Variants in NEB observed in about 807,000 individuals in gnomAD.
NEB encodes the protein nemaline myopathy type 2.
In NEB, 512 loss-of-function variants were observed where a neutral mutation model predicts 952.2. That is an observed-to-expected ratio of 0.54 (90% CI 0.50 to 0.58). NEB has a LOEUF of 0.58. NEB is among the 20% of genes least tolerant of loss of function. The pLI is 0.00. For missense variants in NEB, 8,428 were observed against 9,231.1 expected, an observed-to-expected ratio of 0.91 and a Z score of 3.56; for synonymous variants, 2,900 against 3,149.8, an observed-to-expected ratio of 0.92 and a Z score of 2.66.
Position 151,576,144 on chromosome 2 carries a change from A to C in NEB, c.16908+7T>G. The C allele has an allele frequency of 6.4e-7, 1 of 1,571,414 alleles. No homozygotes were observed. Among genetic ancestry groups the C allele is most frequent in the Non-Finnish European group, 8.7e-7 (1 of 1,152,584 alleles). On this transcript the variant is annotated splice_region_variant and intron_variant, in intron 106 of 181. Coordinates refer to ENST00000397345, the MANE Select transcript of NEB (RefSeq NM_001164508.2). ...AATTCAATTTTAATAGAGAAAAACT[A>C]ACTCACAATACTAATATTTTCAGCA...
At chr2:151,672,766 G>A in intron 36 of NEB, 86 bp from the exon 37 acceptor site, 1 of 1,249,262 alleles carries the variant, frequency 8.0e-7, no homozygotes, top group Admixed American at 2.3e-5. Context: ...GACACTCAGA[G>A]CTTTGTGACT....
intron 72 of NEB, among the ~76,000 whole-genome samples, 190 bp from the exon 73 acceptor site, chr2:151,619,952 C>A (rs552212006): frequency 6.6e-6 from 1 of 152,106 alleles, no homozygotes; most frequent in Non-Finnish European, 1.5e-5. Context: ...ACAATGGTTC[C>A]TTTATATATG....
At chr2:151,695,229 T>C (rs1452726913) in intron 18 of NEB, among the ~76,000 whole-genome samples, 1 of 152,140 alleles carries the variant, frequency 6.6e-6, no homozygotes, top group South Asian at 2.1e-4. Flanking sequence ...ATAAGGGACA[T>C]TATAGGCCCA....
Position 151,609,880 on chromosome 2 carries a change from G to T in NEB, c.12259C>A (p.His4087Asn), listed in dbSNP as rs1426267835. The change falls in exon 81 of 182, where the codon CAT becomes AAT. Residue 4087 changes from histidine (H) to asparagine (N), a missense_variant. Physicochemically the swap from His to Asn is moderately conservative, Grantham distance 68 (BLOSUM62 1). Transcript: ENST00000397345. Reference sequence around the variant, plus strand: ...TGATCCGGCATGCATGTCCATTCATGCAGGTAATTGCGATAATCAATGTCA... The same window carrying T: ...TGATCCGGCATGCATGTCCATTCATTCAGGTAATTGCGATAATCAATGTCA... ...VTDIDYRNYL[H>N]EWTCMPDQND... The T allele has an allele frequency of 6.2e-7, 1 of 1,612,640 alleles. No homozygotes were observed. Among genetic ancestry groups the T allele is most frequent in the African/African-American group, 1.3e-5 (1 of 74,888 alleles).
chr2:151,656,059 TC>T, intron 49 of NEB, 36 bp from the exon 50 acceptor site: 1 of 1,602,702 alleles, frequency 6.2e-7, no homozygotes, highest in Non-Finnish European at 8.5e-7. Flanking sequence ...CTTTATCTTA[TC>T]CATTTAGACA....
In NEB at chr2:151,660,890, G is replaced by T. The variant is rs764832974; in HGVS notation, c.5970+1245C>A. On this transcript the variant is annotated intron_variant, in intron 46 of 181. Coordinates refer to ENST00000397345, the MANE Select transcript of NEB (RefSeq NM_001164508.2). Reference sequence around the variant, plus strand: ...ATGGTAGAACCTAGCCACATAGGCCGATTGAGTACTTGAAATGTAGCTAAT... The same window carrying T: ...ATGGTAGAACCTAGCCACATAGGCCTATTGAGTACTTGAAATGTAGCTAAT... Among the ~76,000 whole-genome samples the T allele has an allele frequency of 3.3e-5, 5 of 152,208 alleles. No homozygotes were observed. The South Asian group carries it at 1.0e-3, about 31-fold the overall frequency.
In NEB at chr2:151,695,718, T is replaced by C. The variant is rs745349330; in HGVS notation, c.1570-36A>G. On this transcript the variant is annotated intron_variant, in intron 17 of 181. Coordinates refer to ENST00000397345, the MANE Select transcript of NEB (RefSeq NM_001164508.2). ...GAGAGAACCAATTAGTTCAGAAGAA[T>C]TGTTCCAGAATACAAAAATTCTTGT... The C allele has an allele frequency of 3.4e-6, 5 of 1,475,144 alleles. No homozygotes were observed. The South Asian group carries it at 4.7e-5, about 14-fold the overall frequency. The allele number at this position is 1,475,144 out of a possible 1,614,324, so 91.4% of individuals were successfully genotyped here.
chr2:151,576,129 T>C, intron 106 of NEB, 22 bp downstream of exon 106: 2 of 1,537,274 alleles, frequency 1.3e-6, no homozygotes, highest in Non-Finnish European at 1.8e-6. Context: ...AATTCAATTT[T>C]AATAGAGAAA....
In NEB at chr2:151,724,727, C is replaced by G. The variant is rs2099785239; in HGVS notation, c.507+130G>C. ...ATCTGTGCAGCCTCCTTGATGAATACAGGTATTGAACTCACACTGCCCATG... is the reference window on the plus strand; with the variant it reads ...ATCTGTGCAGCCTCCTTGATGAATAGAGGTATTGAACTCACACTGCCCATG... On this transcript the variant is annotated intron_variant, in intron 7 of 181. Transcript: ENST00000397345. 4.4e-6 allele frequency: 3 copies of G among 681,790 alleles called. No individual in the cohort carries two copies. In the Admixed American group the frequency reaches 8.0e-5, roughly 18 times the overall value. 42.2% of individuals were successfully genotyped at this position (681,790 alleles called of 1,614,324 possible). A position where few individuals can be genotyped will look rare whatever the true frequency, so the allele number is the denominator to read the frequency against.
chr2:151,490,606 TA>T, intron 179 of NEB, 88 bp from the exon 180 acceptor site: 5 of 1,471,320 alleles, frequency 3.4e-6, no homozygotes, highest in Non-Finnish European at 4.6e-6. Flanking sequence ...CAGTTATTGT[TA>T]TCTTTGCCAA....
intron 25 of NEB, 24 bp downstream of exon 25, chr2:151,688,268 G>T: frequency 6.6e-7 from 1 of 1,507,118 alleles, no homozygotes; most frequent in South Asian, 1.1e-5. Context: ...ACCAAACATA[G>T]GCTTCTGTGG....
intron 32 of NEB, among the ~76,000 whole-genome samples, chr2:151,679,449 C>T (rs2099398236): frequency 1.3e-5 from 2 of 151,936 alleles, no homozygotes; most frequent in African/African-American, 4.8e-5. Flanking sequence ...TTCTGGATCT[C>T]CACAAGAGAA....
chr2:151,676,276 TG>T (rs1258304173), intron 34 of NEB, among the ~76,000 whole-genome samples: 4 of 152,182 alleles, frequency 2.6e-5, no homozygotes, highest in African/African-American at 9.6e-5. Flanking sequence ...ATCTAAGCAA[TG>T]ACAGATTCAT....
rs762272453 is a variant in NEB at position 151,642,641 on chromosome 2, C to A, written c.8306G>T (p.Gly2769Val). The A allele has an allele frequency of 6.8e-6, 11 of 1,613,932 alleles. No homozygotes were observed. The highest frequency in any genetic ancestry group is 7.6e-6 in the Non-Finnish European group (9 of 1,179,854). The change falls in exon 60 of 182, where the codon GGT becomes GTT. Residue 2769 changes from glycine (G) to valine (V), a missense_variant. Gly to Val is a moderately radical substitution (Grantham distance 109, BLOSUM62 -3). Around this residue, in one of 11 missense-constraint regions of NEB, gnomAD observed 1,772 missense variants for 1,960.3 expected, o/e 0.90. Coordinates refer to ENST00000397345, the MANE Select transcript of NEB (RefSeq NM_001164508.2). The part of the protein sequence containing the change: ...KLGLEEAKRK[G>V]YDMRVDAIPI... ...AATGGCATCTACCCGCATGTCATAACCTTTCCTCTTGGCTTCTTCTAGGCC... is the reference window on the plus strand; with the variant it reads ...AATGGCATCTACCCGCATGTCATAAACTTTCCTCTTGGCTTCTTCTAGGCC...
chr2:151,650,097 T>A (rs1170205047), intron 54 of NEB, 79 bp downstream of exon 54: 17 of 1,333,290 alleles, frequency 1.3e-5, no homozygotes, highest in Admixed American at 1.9e-5. Context: ...GTGGTTCTAC[T>A]CATTTATTAA....
chr2:151,612,868 C>T (rs533834439), intron 77 of NEB, among the ~76,000 whole-genome samples: 2 of 152,242 alleles, frequency 1.3e-5, no homozygotes, highest in Admixed American at 1.3e-4. Context: ...ACGTCTTTTT[C>T]GTATGCTTCT....
In NEB at chr2:151,535,683, A is replaced by G; in HGVS notation, c.21312+8T>C. 6.4e-7 allele frequency: 1 copy of G among 1,573,388 alleles called. No homozygotes were observed. The highest frequency in any genetic ancestry group is 1.1e-5 in the South Asian group (1 of 87,882). Reference sequence around the variant, plus strand: ...TAGGCTTAATTGGAGCAGTTTATTCATACATACCTCATTCATCAATTGAGT... The same window carrying G: ...TAGGCTTAATTGGAGCAGTTTATTCGTACATACCTCATTCATCAATTGAGT... On this transcript the variant is annotated splice_region_variant and intron_variant, in intron 142 of 181. Coordinates refer to ENST00000397345, the MANE Select transcript of NEB (RefSeq NM_001164508.2).
At position 151,537,989 on chromosome 2, in the gene NEB, A is replaced by G. The variant is rs375312685; in HGVS notation, c.20998-13T>C. ...CCTTGTATTTTATCTGTTATAAAAA[A>G]CACAAAGACAGCTGTAAGTCTTACC... On this transcript the variant is annotated splice_polypyrimidine_tract_variant and intron_variant, in intron 139 of 181. Transcript: ENST00000397345. The G allele has an allele frequency of 3.9e-5, 62 of 1,601,376 alleles. No individual in the cohort carries two copies. Among genetic ancestry groups the G allele is most frequent in the Non-Finnish European group, 5.3e-5 (62 of 1,169,490 alleles).
Position 151,684,913 on chromosome 2 carries a change from G to T in NEB, c.2700C>A (p.Leu900=). 1 of 1,613,208 alleles carries T rather than the reference G, an allele frequency of 6.2e-7. No homozygotes were observed. Among genetic ancestry groups the T allele is most frequent in the South Asian group, 1.1e-5 (1 of 90,886 alleles). The change falls in exon 28 of 182, where the codon CTC becomes CTA. Residue 900 remains leucine (L), a synonymous_variant. Coordinates refer to ENST00000397345, the MANE Select transcript of NEB (RefSeq NM_001164508.2). ...KTIYTAPLDM[L]QVTQAKKSQA... ...GAGATTTCTTAGCTTGAGTGACTTG[G>T]AGCATATCAAGAGGTGCCGTGTAGA...
Sources: gnomAD v4.1 joint callset for allele counts (sites outside exome capture counted in the v4.1 genomes callset) on GRCh38, gnomAD v4.1.1 for gene constraint, gnomAD v4.1.1 regional missense constraint, MANE v1.5 for transcripts, NCBI Gene and HGNC (gene_info 2026-07-23, HGNC 2026-07-21) for gene names.